Variants in CA10 observed in about 807,000 individuals in gnomAD.
CA10 encodes the protein carbonic anhydrase-related protein 10.
In CA10, 14 loss-of-function variants were observed where a neutral mutation model predicts 44.2. That is an observed-to-expected ratio of 0.32 (90% CI 0.21 to 0.50). The LOEUF (loss-of-function observed/expected upper bound fraction) is 0.50, where lower values mean the gene tolerates loss of function less well. Among genes scored for constraint, CA10 ranks in the 20% least tolerant of loss-of-function variants. The pLI is 0.99. For missense variants in CA10, 350 were observed against 409.7 expected (o/e 0.85, Z 1.26); for synonymous variants, 159 against 141.6 (o/e 1.12, Z -0.87).
At chr17:52,120,994 T>C (rs1301558529) in intron 1 of CA10, among the ~76,000 whole-genome samples, 3 of 152,202 alleles carry the variant, frequency 2.0e-5, no homozygotes, top group Admixed American at 6.5e-5. Context: ...TTGTTTATGG[T>C]AGGACTGCTC....
rs114466340 is a variant in CA10 at position 51,698,795 on chromosome 17, G to A, written c.466-45059C>T. Among the ~76,000 whole-genome samples, 891 of 152,174 alleles carry A rather than the reference G, an allele frequency of 5.9e-3. 5 individuals are homozygous for A. The highest frequency in any genetic ancestry group is 0.02 in the African/African-American group (849 of 41,508). On this transcript the variant is annotated intron_variant, in intron 4 of 8. Transcript: ENST00000451037. ...TGACTATTTTAGATTCCATATATAA[G>A]ACATCACATAGTATTTGCTTTTCTG...
intron 3 of CA10, among the ~76,000 whole-genome samples, chr17:51,846,059 C>T (rs1978480845): frequency 6.6e-6 from 1 of 152,216 alleles, no homozygotes; most frequent in Non-Finnish European, 1.5e-5. Flanking sequence ...ACAATTTTTC[C>T]AGTGAGGAAG....
In CA10 at chr17:52,148,412, G is replaced by A. The variant is rs75729452; in HGVS notation, c.61+9314C>T. Among the ~76,000 whole-genome samples the A allele has an allele frequency of 1.4e-3, 216 of 152,294 alleles. 8 individuals are homozygous for A. The East Asian group carries it at 0.031, about 22-fold the overall frequency. On this transcript the variant is annotated intron_variant, in intron 1 of 8. Coordinates refer to ENST00000451037, the MANE Select transcript of CA10 (RefSeq NM_020178.5). ...ATGGTGTCATAAATACAAAAGGGCCGAAATACATTTTAAACAACTATAAGT... is the reference window on the plus strand; with the variant it reads ...ATGGTGTCATAAATACAAAAGGGCCAAAATACATTTTAAACAACTATAAGT...
chr17:51,772,234 AC>A (rs1409043013), intron 3 of CA10, among the ~76,000 whole-genome samples: 1 of 152,222 alleles, frequency 6.6e-6, no homozygotes, highest in Admixed American at 6.5e-5. Flanking sequence ...CATAATAATT[AC>A]TTAACAAACA....
chr17:51,788,268 T>C (rs1189295929), intron 3 of CA10, among the ~76,000 whole-genome samples: 2 of 152,244 alleles, frequency 1.3e-5, no homozygotes, highest in South Asian at 2.1e-4. Flanking sequence ...GAAATTCCTC[T>C]TGTTGTTGAT....
intron 2 of CA10, among the ~76,000 whole-genome samples, chr17:52,046,184 C>G (rs1432999332): frequency 6.6e-6 from 1 of 150,522 alleles, no homozygotes; most frequent in Non-Finnish European, 1.5e-5. Context: ...GAAAACTGAA[C>G]CTAAAATAAA....
chr17:51,964,496 A>T (rs1664428901), intron 2 of CA10, among the ~76,000 whole-genome samples: 1 of 152,030 alleles, frequency 6.6e-6, no homozygotes, highest in Non-Finnish European at 1.5e-5. Context: ...AAGATTGACC[A>T]CATTCTTGGC....
chr17:51,908,751 C>T (rs573573126), intron 3 of CA10, among the ~76,000 whole-genome samples: 1 of 152,270 alleles, frequency 6.6e-6, no homozygotes, highest in Non-Finnish European at 1.5e-5. Context: ...GATGCTATAT[C>T]TTCCAAATGA....
In CA10 at chr17:52,041,936, T is replaced by G. The variant is rs988754800; in HGVS notation, c.136+30383A>C. ...ACAGGATTTTCTTCTTTTTTACAACTAAATAATATTCCTCTGTGTGTGTCT... is the reference window on the plus strand; with the variant it reads ...ACAGGATTTTCTTCTTTTTTACAACGAAATAATATTCCTCTGTGTGTGTCT... On this transcript the variant is annotated intron_variant, in intron 2 of 8. Transcript: ENST00000451037. Among the ~76,000 whole-genome samples the G allele has an allele frequency of 3.9e-5, 6 of 152,220 alleles. No homozygotes were observed. In the East Asian group the frequency reaches 1.2e-3, roughly 30 times the overall value.
At chr17:52,042,581 TG>T (rs1205412103) in intron 2 of CA10, among the ~76,000 whole-genome samples, 1 of 152,040 alleles carries the variant, frequency 6.6e-6, no homozygotes, top group Non-Finnish European at 1.5e-5. Context: ...TTTTCTTTGT[TG>T]TTCAGAAGAT....
chr17:51,958,359 T>C (rs1983748565), intron 2 of CA10, among the ~76,000 whole-genome samples: 1 of 151,690 alleles, frequency 6.6e-6, no homozygotes, highest in Admixed American at 6.6e-5. Context: ...TATGTTTGAG[T>C]GGGTAAGTGA....
intron 2 of CA10, among the ~76,000 whole-genome samples, chr17:52,032,581 A>G (rs1986500098): frequency 6.6e-6 from 1 of 152,198 alleles, no homozygotes; most frequent in African/African-American, 2.4e-5. Context: ...CTGCAGAGAA[A>G]GCATTCTTTA....
intron 1 of CA10, among the ~76,000 whole-genome samples, chr17:52,105,321 C>T (rs61111259): frequency 0.14 from 21,250 of 151,646 alleles, 1,721 homozygotes; most frequent in East Asian, 0.4. Context: ...GTGGCACAAT[C>T]TCGGCTCAGT....
chr17:52,142,463 T>C (rs1989502286), intron 1 of CA10, among the ~76,000 whole-genome samples: 1 of 152,212 alleles, frequency 6.6e-6, no homozygotes, highest in East Asian at 1.9e-4. Flanking sequence ...ATGCTTTACT[T>C]TCATATGTCA....
chr17:52,152,468 C>T (rs948900370), intron 1 of CA10, among the ~76,000 whole-genome samples: 1 of 152,028 alleles, frequency 6.6e-6, no homozygotes, highest in Non-Finnish European at 1.5e-5. Flanking sequence ...ATGAGGTCCC[C>T]TCTGTCTCTT....
At chr17:51,640,314 C>T (rs1441521276) in intron 6 of CA10, among the ~76,000 whole-genome samples, 1 of 152,164 alleles carries the variant, frequency 6.6e-6, no homozygotes, top group African/African-American at 2.4e-5. Context: ...TGAGGGGAAG[C>T]ATCTCTGAGG....
intron 3 of CA10, among the ~76,000 whole-genome samples, chr17:51,915,239 C>T (rs1981947494): frequency 1.3e-5 from 2 of 152,122 alleles, no homozygotes; most frequent in East Asian, 1.9e-4. Flanking sequence ...ACACCATCCA[C>T]GTAGGAAATA....
chr17:52,019,576 A>C (rs1331197324), intron 2 of CA10, among the ~76,000 whole-genome samples: 2 of 152,090 alleles, frequency 1.3e-5, no homozygotes, highest in Non-Finnish European at 2.9e-5. Context: ...TACTATGTTT[A>C]AATTGATGTA....
At position 52,090,468 on chromosome 17, in the gene CA10, A is replaced by G. The variant is rs908900476; in HGVS notation, c.62-18075T>C. On this transcript the variant is annotated intron_variant, in intron 1 of 8. Transcript: ENST00000451037. ...GAAATATTCCCTAGCATATTTTTGTATAAGATATAACGGTGTAAATATCAA... is the reference window on the plus strand; with the variant it reads ...GAAATATTCCCTAGCATATTTTTGTGTAAGATATAACGGTGTAAATATCAA... Among the ~76,000 whole-genome samples, 12 of 152,264 alleles carry G rather than the reference A, an allele frequency of 7.9e-5. No homozygotes were observed. In the East Asian group the frequency reaches 9.6e-4, roughly 12 times the overall value.
Sources: allele counts gnomAD v4.1 joint callset (sites outside exome capture counted in the v4.1 genomes callset), GRCh38; gene constraint gnomAD v4.1.1; transcripts MANE v1.5; gene names NCBI Gene and HGNC (gene_info 2026-07-23, HGNC 2026-07-21).